USP16: variants seen among roughly 807,000 people sequenced by gnomAD.
The protein encoded by USP16 is ubiquitin specific peptidase 16, also known as ubiquitin carboxyl-terminal hydrolase 16.
In USP16, 77 loss-of-function variants were observed where a neutral mutation model predicts 95.9. The observed-to-expected ratio is 0.80, with a 90% CI of 0.67 to 0.97. The LOEUF (loss-of-function observed/expected upper bound fraction) is 0.97. Ranked by LOEUF, USP16 falls within the 50% of genes least tolerant of loss-of-function variation. USP16 has a pLI of 0.00. For synonymous variants in USP16, 303 were observed against 318.2 expected, an observed-to-expected ratio of 0.95 and a Z score of 0.51; for missense variants, 943 against 959.9, an observed-to-expected ratio of 0.98 and a Z score of 0.23.
intron 16 of USP16, among the ~76,000 whole-genome samples, chr21:29,051,190 G>GGAGAAAAGCAGGTT (rs1568901276): frequency 6.6e-6 from 1 of 152,052 alleles, no homozygotes; most frequent in Admixed American, 6.6e-5. Context: ...GGATATATAG[G>GGAGAAAAGCAGGTT]GAGAAAAGCA....
At chr21:29,047,878 A>G (rs1223555962) in intron 14 of USP16, among the ~76,000 whole-genome samples, 1 of 151,696 alleles carries the variant, frequency 6.6e-6, no homozygotes, top group Non-Finnish European at 1.5e-5. Flanking sequence ...GTAGAATTTT[A>G]TTTATTTACA....
At position 29,027,964 on chromosome 21, in the gene USP16, T is replaced by A. The variant is rs1416164075; in HGVS notation, c.51T>A (p.Ser17=). Residue 17 remains serine (S), a synonymous_variant, in exon 2 of 18, where the codon TCT becomes TCA. Coordinates refer to ENST00000399976, the MANE Select transcript of USP16 (RefSeq NM_006447.3). Reference sequence around the variant, plus strand: ...AAACTGTTCCAATCGATGATTCCTCTGAAACTTTAGGTATATTTCATTGAT... The same window carrying A: ...AAACTGTTCCAATCGATGATTCCTCAGAAACTTTAGGTATATTTCATTGAT... ...KGKTVPIDDS[S]ETLEPVCRHI... is the part of the protein sequence containing the mutation. The A allele has an allele frequency of 1.2e-6, 2 of 1,612,360 alleles. No homozygotes were observed. Among genetic ancestry groups the A allele is most frequent in the Non-Finnish European group, 1.7e-6 (2 of 1,178,638 alleles).
rs780344631 is a variant in USP16, at chr21:29,027,871, A to G, written c.-41-2A>G. On this transcript the variant is annotated splice_acceptor_variant, in intron 1 of 17. Transcript: ENST00000399976. LOFTEE classifies it low-confidence loss of function (5UTR_SPLICE). The stretch of plus-strand genomic sequence containing the variant: ...TCAAGCTAACTTTATCTTGTTTTCT[A>G]GATTGTTATTTTGTGTCAGTAAGTA... The G allele has an allele frequency of 6.2e-7, 1 of 1,610,396 alleles. No homozygotes were observed. The highest frequency in any genetic ancestry group is 2.2e-5 in the East Asian group (1 of 44,722).
At chr21:29,024,916 C>G (rs1032689761) in intron 1 of USP16, 139 bp downstream of exon 1, 3 of 885,466 alleles carry the variant, frequency 3.4e-6, no homozygotes, top group Non-Finnish European at 3.0e-6. Flanking sequence ...CTTTCCGGTA[C>G]TGCGATCTCA....
intron 10 of USP16, among the ~76,000 whole-genome samples, chr21:29,041,329 T>C (rs778712840): frequency 6.6e-6 from 1 of 152,304 alleles, no homozygotes; most frequent in African/African-American, 2.4e-5. Context: ...TGGCATTTTC[T>C]GTCAGAAAAG....
intron 7 of USP16, 26 bp downstream of exon 7, chr21:29,038,456 T>G (rs1266039660): frequency 6.8e-7 from 1 of 1,476,972 alleles, no homozygotes; most frequent in Admixed American, 1.8e-5. Flanking sequence ...TTTTCTAGTC[T>G]GTAACTTTCC....
rs553328371 is a variant in USP16 at position 29,047,015 on chromosome 21, G to C, written c.1705G>C (p.Glu569Gln). ...CTACCTAACGGAAGGGAGCAATGGAGAAGTGGACATTTCCAATGGTTTCAA... is the reference window on the plus strand; with the variant it reads ...CTACCTAACGGAAGGGAGCAATGGACAAGTGGACATTTCCAATGGTTTCAA... The part of the protein sequence containing the change: ...GAYLTEGSNG[E>Q]VDISNGFKNL... The change falls in exon 14 of 18, where the codon GAA (glutamate) becomes CAA (glutamine). Residue 569 changes from glutamate (E) to glutamine (Q), a missense_variant. Glu to Gln is a conservative substitution (Grantham distance 29, BLOSUM62 2). Coordinates refer to ENST00000399976, the MANE Select transcript of USP16 (RefSeq NM_006447.3). 30 of 1,614,010 alleles carry C rather than the reference G, an allele frequency of 1.9e-5. No homozygotes were observed. Among genetic ancestry groups the C allele is most frequent in the Non-Finnish European group, 2.5e-5 (29 of 1,180,020 alleles).
At chr21:29,042,235 C>T in intron 11 of USP16, 131 bp downstream of exon 11, 1 of 890,000 alleles carries the variant, frequency 1.1e-6, no homozygotes, top group East Asian at 2.7e-5. Context: ...TTCAGATGTG[C>T]ATGGTTCTTT....
At position 29,033,836 on chromosome 21, in the gene USP16, C is replaced by T. The variant is rs368342387; in HGVS notation, c.241-1001C>T. 2.9e-4 allele frequency among the ~76,000 whole-genome samples: 44 copies of T among 152,298 alleles called. No individual in the cohort carries two copies. The East Asian group carries it at 3.9e-3, about 13-fold the overall frequency. On this transcript the variant is annotated intron_variant, in intron 3 of 17. Coordinates refer to ENST00000399976, the MANE Select transcript of USP16 (RefSeq NM_006447.3). ...AAGGAAGGAGACAGTATTTTCTCAT[C>T]TGGGAGATAAGTATAGGCTTCTGGG... is the stretch of plus-strand genomic sequence containing the variant.
At chr21:29,040,497 A>C (rs569183419) in intron 9 of USP16, 112 bp from the exon 10 acceptor site, 23 of 355,764 alleles carry the variant, frequency 6.5e-5, no homozygotes, top group African/African-American at 4.4e-4. Context: ...GGAATTATTT[A>C]GTAAATATGG....
intron 7 of USP16, 83 bp from the exon 8 acceptor site, chr21:29,038,943 G>A: frequency 8.3e-6 from 11 of 1,324,194 alleles, no homozygotes; most frequent in South Asian, 4.3e-5. Context: ...AACATTGGTA[G>A]TATATGTTAA....
At chr21:29,038,654 C>G (rs2085198756) in intron 7 of USP16, among the ~76,000 whole-genome samples, 1 of 152,178 alleles carries the variant, frequency 6.6e-6, no homozygotes, top group African/African-American at 2.4e-5. Flanking sequence ...AAGCTTCCTT[C>G]TTGGGAATGT....
Position 29,053,810 on chromosome 21 carries a change from A to G in USP16, c.2202A>G (p.Ala734=). 1.2e-6 allele frequency: 2 copies of G among 1,609,946 alleles called. No individual in the cohort carries two copies. Among genetic ancestry groups the G allele is most frequent in the African/African-American group, 1.3e-5 (1 of 74,826 alleles). ...TCTACTCATTTTTAAAGAATGTTGC[A>G]GAAGAAAATACAAGGGTACTCTATT... ...PFCTLKCKNV[A]EENTRVLYSL... Residue 734 remains alanine (A), a synonymous_variant, in exon 17 of 18, where the codon GCA becomes GCG. Transcript: ENST00000399976.
intron 12 of USP16, 64 bp from the exon 13 acceptor site, chr21:29,043,359 A>AT (rs1175752515): frequency 4.2e-5 from 49 of 1,167,848 alleles, no homozygotes; most frequent in Non-Finnish European, 4.5e-5. Flanking sequence ...CATAGTGTGG[A>AT]TTTTTTTTCA....
At position 29,039,139 on chromosome 21, in the gene USP16, T is replaced by A; in HGVS notation, c.846T>A (p.Phe282Leu). ...GGGTTGTGACACCGAAAGAACTCTTTTCTCAGGTCTGTAAAAAGTGAGTAT... is the reference window on the plus strand; with the variant it reads ...GGGTTGTGACACCGAAAGAACTCTTATCTCAGGTCTGTAAAAAGTGAGTAT... ...KKGVVTPKEL[F>L]SQVCKKAVRF... Residue 282 changes from phenylalanine (F) to leucine (L), a missense_variant, in exon 8 of 18, where the codon TTT becomes TTA. Phe to Leu is a conservative substitution (Grantham distance 22, BLOSUM62 0). Transcript: ENST00000399976. The A allele has an allele frequency of 6.4e-7, 1 of 1,568,798 alleles. No individual in the cohort carries two copies.
chr21:29,046,978 TTTAAA>T lies in USP16; in HGVS notation c.1670_1674del (p.Leu557TrpfsTer30), dbSNP rs767830335. 1 of 1,614,098 alleles carries T rather than the reference TTTAAA, an allele frequency of 6.2e-7. No homozygotes were observed. The highest frequency in any genetic ancestry group is 1.1e-5 in the South Asian group (1 of 91,078). On this transcript the variant is annotated frameshift_variant, in exon 14 of 18. Transcript: ENST00000399976. LOFTEE classifies it high-confidence loss of function. ...TTTTAACATCTTCTCCCACTAGGAA[TTTAAA>T]TGGTGCCTACCTAACGGAAGGGAGC...
chr21:29,050,697 G>A (rs1245806686), intron 16 of USP16, among the ~76,000 whole-genome samples: 1 of 152,224 alleles, frequency 6.6e-6, no homozygotes, highest in African/African-American at 2.4e-5. Flanking sequence ...GGTAACGTAT[G>A]TAGTTCTAGA....
In USP16 at chr21:29,039,488, C is replaced by G; in HGVS notation, c.871C>G (p.Arg291Gly). The G allele has an allele frequency of 6.2e-7, 1 of 1,612,448 alleles. No homozygotes were observed. Residue 291 changes from arginine (R) to glycine (G), a missense_variant, in exon 9 of 18, where the codon CGG (arginine) becomes GGG (glycine). Arg to Gly is a moderately radical substitution (Grantham distance 125). Coordinates refer to ENST00000399976, the MANE Select transcript of USP16 (RefSeq NM_006447.3). ...CTTTTTGTTTTTCTCTAGAGCAGTGCGGTTTAAAGGCTATCAGCAGCAAGA... is the reference window on the plus strand; with the variant it reads ...CTTTTTGTTTTTCTCTAGAGCAGTGGGGTTTAAAGGCTATCAGCAGCAAGA... ...LFSQVCKKAV[R>G]FKGYQQQDSQ...
At chr21:29,031,595 G>A (rs768844526) in intron 3 of USP16, among the ~76,000 whole-genome samples, 8 of 152,086 alleles carry the variant, frequency 5.3e-5, no homozygotes, top group Non-Finnish European at 8.8e-5. Flanking sequence ...GTGCCACCAC[G>A]CCTGGCTGAG....
Sources: gnomAD v4.1 joint callset for allele counts (sites outside exome capture counted in the v4.1 genomes callset) on GRCh38, gnomAD v4.1.1 for gene constraint, MANE v1.5 for transcripts, NCBI Gene and HGNC (gene_info 2026-07-23, HGNC 2026-07-21) for gene names.